SPOCK1: variants seen among roughly 807,000 people sequenced by gnomAD.
SPOCK1 encodes testican-1.
Under a neutral mutation model 55.3 loss-of-function variants are expected in SPOCK1, and 23 were observed. That is an observed-to-expected ratio of 0.42 (90% confidence interval 0.30 to 0.59). The LOEUF (loss-of-function observed/expected upper bound fraction) is 0.59, where lower values mean the gene tolerates loss of function less well. SPOCK1 is among the 20% of genes least tolerant of loss of function. The probability of loss-of-function intolerance (pLI) is 0.22; values close to 1 mark genes in which losing one functional copy is unlikely to be tolerated. For synonymous variants in SPOCK1, 226 were observed against 221.0 expected, an observed-to-expected ratio of 1.02 and a Z score of -0.20; for missense variants, 499 against 552.5, an observed-to-expected ratio of 0.90 and a Z score of 0.97.
intron 4 of SPOCK1, among the ~76,000 whole-genome samples, chr5:137,140,278 C>T (rs1754069419): frequency 2.0e-5 from 3 of 152,188 alleles, no homozygotes; most frequent in African/African-American, 7.2e-5. Context: ...TGGCATCACT[C>T]TGGGAGGAGA....
At chr5:137,213,880 T>C (rs72794539) in intron 3 of SPOCK1, among the ~76,000 whole-genome samples, 5,243 of 152,304 alleles carry the variant, frequency 0.034, 132 homozygotes, top group Non-Finnish European at 0.049. Flanking sequence ...TTTTAATTCA[T>C]TGTACTCTTG....
chr5:137,479,933 C>T (rs539775866), intron 2 of SPOCK1, among the ~76,000 whole-genome samples: 2 of 152,146 alleles, frequency 1.3e-5, no homozygotes, highest in African/African-American at 2.4e-5. Context: ...CTCTAGAGGG[C>T]ATACCTTGAT....
intron 3 of SPOCK1, among the ~76,000 whole-genome samples, chr5:137,206,987 C>G (rs17171078): frequency 0.017 from 2,543 of 152,342 alleles, 73 homozygotes; most frequent in African/African-American, 0.058. Context: ...TGCTGAACCA[C>G]AGAGGCACCA....
intron 7 of SPOCK1, among the ~76,000 whole-genome samples, chr5:136,989,368 C>G (rs1750904946): frequency 6.6e-6 from 1 of 152,206 alleles, no homozygotes; most frequent in Non-Finnish European, 1.5e-5. Context: ...GATATTGAGT[C>G]TACTGTAGAC....
intron 6 of SPOCK1, among the ~76,000 whole-genome samples, chr5:137,052,688 G>A (rs768294622): frequency 1.3e-5 from 2 of 152,100 alleles, no homozygotes; most frequent in Non-Finnish European, 2.9e-5. Flanking sequence ...TGAACACCAT[G>A]CAGCCATTAA....
chr5:137,345,030 G>A (rs138979225), intron 2 of SPOCK1, among the ~76,000 whole-genome samples: 26 of 152,266 alleles, frequency 1.7e-4, no homozygotes, highest in African/African-American at 6.0e-4. Flanking sequence ...ACAATCACAG[G>A]TAAGTAGAAA....
In SPOCK1 at chr5:136,985,147, G is replaced by A. The variant is rs753380439; in HGVS notation, c.984C>T (p.Ser328=). 3.1e-6 allele frequency: 5 copies of A among 1,614,088 alleles called. No homozygotes were observed. The Admixed American group carries it at 8.3e-5, about 27-fold the overall frequency. Residue 328 remains serine (S), a synonymous_variant, in exon 9 of 11, where the codon AGC becomes AGT. Transcript: ENST00000394945. ...GCAAGAAATTGTACTTACCCAACAG[G>A]CTTTTCCCCTTACTCAGCTTCTGAA... is the stretch of plus-strand genomic sequence containing the variant. ...NRIQKLSKGK[S]LLGAFIPRCN... is the part of the protein sequence containing the mutation.
At chr5:137,082,112 GC>G (rs1752886065) in intron 5 of SPOCK1, among the ~76,000 whole-genome samples, 1 of 152,192 alleles carries the variant, frequency 6.6e-6, no homozygotes, top group South Asian at 2.1e-4. Context: ...TTGCTCCATG[GC>G]CAGAAACGCC....
intron 2 of SPOCK1, among the ~76,000 whole-genome samples, chr5:137,270,947 A>G (rs1037009066): frequency 6.6e-6 from 1 of 152,170 alleles, no homozygotes; most frequent in African/African-American, 2.4e-5. Context: ...GGCTGCAGTG[A>G]GCCAAGATCG....
intron 2 of SPOCK1, among the ~76,000 whole-genome samples, chr5:137,373,931 T>C (rs1400725586): frequency 6.6e-6 from 1 of 152,212 alleles, no homozygotes; most frequent in Non-Finnish European, 1.5e-5. Context: ...GAGCCCACAC[T>C]GTTTTAGCTT....
chr5:137,388,180 T>G (rs1188393360), intron 2 of SPOCK1, among the ~76,000 whole-genome samples: 1 of 152,210 alleles, frequency 6.6e-6, no homozygotes, highest in African/African-American at 2.4e-5. Context: ...AATCAACAGA[T>G]ATGAAGAGTC....
intron 2 of SPOCK1, among the ~76,000 whole-genome samples, chr5:137,322,656 A>T (rs144687540): frequency 6.6e-6 from 1 of 151,968 alleles, no homozygotes; most frequent in Admixed American, 6.6e-5. Context: ...ACCACAAAAA[A>T]CCTACATAAG....
intron 3 of SPOCK1, among the ~76,000 whole-genome samples, chr5:137,185,337 C>T (rs36044399): frequency 0.16 from 24,291 of 152,186 alleles, 2,147 homozygotes; most frequent in South Asian, 0.25. Flanking sequence ...GCCAGAAGAA[C>T]CTGCCACCAG....
At chr5:137,386,311 G>T (rs1751598308) in intron 2 of SPOCK1, among the ~76,000 whole-genome samples, 1 of 152,184 alleles carries the variant, frequency 6.6e-6, no homozygotes, top group Non-Finnish European at 1.5e-5. Context: ...TTGATCTGGA[G>T]ATTTAATGCA....
At chr5:137,269,433 G>A (rs1756918350) in intron 2 of SPOCK1, among the ~76,000 whole-genome samples, 1 of 152,174 alleles carries the variant, frequency 6.6e-6, no homozygotes, top group South Asian at 2.1e-4. Context: ...CCTCACATCA[G>A]GGGCCAAGAT....
At chr5:137,407,293 T>C (rs980036033) in intron 2 of SPOCK1, among the ~76,000 whole-genome samples, 7 of 152,206 alleles carry the variant, frequency 4.6e-5, no homozygotes, top group Non-Finnish European at 1.0e-4. Flanking sequence ...AACGCTGTGC[T>C]CTTTAAGCTG....
chr5:137,160,325 T>G (rs962206790), intron 3 of SPOCK1, among the ~76,000 whole-genome samples: 1 of 124,874 alleles, frequency 8.0e-6, no homozygotes, highest in African/African-American at 2.8e-5. Flanking sequence ...TTCCATAATA[T>G]ATATATTATA....
At chr5:137,096,452 C>A (rs1043553833) in intron 5 of SPOCK1, among the ~76,000 whole-genome samples, 1 of 152,168 alleles carries the variant, frequency 6.6e-6, no homozygotes, top group Non-Finnish European at 1.5e-5. Flanking sequence ...AACACTTAGA[C>A]CCCTCTGCTC....
chr5:137,061,406 G>T lies in SPOCK1; in HGVS notation c.589+6309C>A, dbSNP rs114565337. ...CCAAGACAGTTTCCCCCAGAATCTA[G>T]CCCTCGGGTTGAAAACACCGTTTGA... is the stretch of plus-strand genomic sequence containing the variant. On this transcript the variant is annotated intron_variant, in intron 6 of 10. Transcript: ENST00000394945. Among the ~76,000 whole-genome samples the T allele has an allele frequency of 7.9e-3, 1,208 of 152,248 alleles. 7 individuals carry two copies. The highest frequency in any genetic ancestry group is 0.02 in the Middle Eastern group (6 of 294).
Sources: allele counts gnomAD v4.1 joint callset (sites outside exome capture counted in the v4.1 genomes callset), GRCh38; gene constraint gnomAD v4.1.1; transcripts MANE v1.5; gene names NCBI Gene and HGNC (gene_info 2026-07-23, HGNC 2026-07-21).